Variants in BCL9L observed in about 807,000 individuals in gnomAD.
BCL9L encodes the protein B-cell CLL/lymphoma 9-like protein.
A neutral mutation model predicts 99.4 loss-of-function variants in BCL9L; 19 were observed. That is an observed-to-expected ratio of 0.19 (90% CI 0.13 to 0.28). The LOEUF is 0.28. BCL9L is among the 10% of genes least tolerant of loss of function. The pLI is 1.00. For missense variants in BCL9L, 2,023 were observed against 2,101.6 expected, an observed-to-expected ratio of 0.96 and a Z score of 0.73; for synonymous variants, 900 against 854.8, an observed-to-expected ratio of 1.05 and a Z score of -0.92.
At position 118,901,346 on chromosome 11, in the gene BCL9L, C is replaced by A; in HGVS notation, c.2397G>T (p.Lys799Asn). 6.2e-7 allele frequency: 1 copy of A among 1,613,844 alleles called. No homozygotes were observed. The highest frequency in any genetic ancestry group is 2.2e-5 in the East Asian group (1 of 44,878). The change falls in exon 8 of 10, where the codon AAG becomes AAT. Residue 799 changes from lysine to asparagine, a missense_variant. This residue lies in a region of BCL9L where 1,116 missense variants were observed against 1,194.6 expected (regional missense o/e 0.93). Transcript: ENST00000683865. The surrounding 1 kb of genome is among the most constrained non-coding windows in gnomAD (Gnocchi z 6.6). ...CCATCAAGTCCCCAGGGCCCCGCAT[C>A]TTCTGCGACATCAGCATCTGCTGCT... ...TPQQQMLMSQ[K>N]MRGPGDLMGP...
At chr11:118,920,345 G>C (rs1941102786) in intron 1 of BCL9L, among the ~76,000 whole-genome samples, 2 of 152,188 alleles carry the variant, frequency 1.3e-5, no homozygotes, top group African/African-American at 4.8e-5. Flanking sequence ...TGCAGTAGGA[G>C]GGAATGAGAT....
chr11:118,901,752 C>T lies in BCL9L; in HGVS notation c.1991G>A (p.Gly664Asp). The stretch of plus-strand genomic sequence containing the variant: ...GGGAGTCATGAATCGCTCCGCCTCA[C>T]CCTGCCCACCTGGGTAGGGCATGGT... ...QNTMPYPGGQ[G>D]EAERFMTPRV... Residue 664 changes from glycine (G) to aspartate (D), a missense_variant, in exon 8 of 10, where the codon GGT (glycine) becomes GAT (aspartate). Coordinates refer to ENST00000683865, the MANE Select transcript of BCL9L (RefSeq NM_001378213.1). The surrounding 1 kb of genome is among the most constrained non-coding windows in gnomAD (Gnocchi z 6.6). 2 of 1,612,862 alleles carry T rather than the reference C, an allele frequency of 1.2e-6. No individual in the cohort carries two copies. The highest frequency in any genetic ancestry group is 1.7e-6 in the Non-Finnish European group (2 of 1,179,140).
In BCL9L at chr11:118,922,381, C is replaced by T. The variant is rs535164927; in HGVS notation, c.-131+2857G>A. On this transcript the variant is annotated intron_variant, in intron 1 of 9. Transcript: ENST00000683865. This position sits in a 1 kb window ranked among gnomAD's most constrained non-coding sequence, Gnocchi z 6.2. ...AGCTCTGGGACTCAGATAGGCTCCT[C>T]AGCCCTGGCAGGAGCTCCCACCAGC... is the stretch of plus-strand genomic sequence containing the variant. Among the ~76,000 whole-genome samples the T allele has an allele frequency of 6.6e-6, 1 of 152,216 alleles. No individual in the cohort carries two copies. Among genetic ancestry groups the T allele is most frequent in the African/African-American group, 2.4e-5 (1 of 41,464 alleles).
In BCL9L at chr11:118,922,657, GC is replaced by G; in HGVS notation, c.-131+2580del. 1.3e-5 allele frequency among the ~76,000 whole-genome samples: 2 copies of G among 152,224 alleles called. 1 individual carries two copies. The highest frequency in any genetic ancestry group is 6.8e-3 in the Middle Eastern group (2 of 294). On this transcript the variant is annotated intron_variant, in intron 1 of 9. Coordinates refer to ENST00000683865, the MANE Select transcript of BCL9L (RefSeq NM_001378213.1). This position sits in a 1 kb window ranked among gnomAD's most constrained non-coding sequence, Gnocchi z 6.2. ...CTGTACCCGCTTGGCTCCCACGGCT[GC>G]CCACTTTCCCACGGTGCCATCCCCC...
chr11:118,908,419 G>A lies in BCL9L; in HGVS notation c.263C>T (p.Ser88Leu), dbSNP rs1251572931. Reference protein sequence around the residue: ...GNHGAKANQISPSNSSLKNPQ... With the variant: ...GNHGAKANQILPSNSSLKNPQ... ...GTTCTTCAGACTTGAGTTGCTAGGC[G>A]AGATCTGGTTGGCCTTGGCCCCATG... Residue 88 changes from serine to leucine, a missense_variant, in exon 4 of 10, where the codon TCG becomes TTG. Physicochemically the swap from Ser to Leu is moderately radical, Grantham distance 145. Around this residue, in one of 3 missense-constraint regions of BCL9L, gnomAD observed 1,116 missense variants for 1,194.6 expected, o/e 0.93. Coordinates refer to ENST00000683865, the MANE Select transcript of BCL9L (RefSeq NM_001378213.1). The A allele has an allele frequency of 7.4e-6, 12 of 1,614,042 alleles. No homozygotes were observed. Among genetic ancestry groups the A allele is most frequent in the African/African-American group, 1.3e-5 (1 of 75,046 alleles).
chr11:118,910,052 T>TGGGGAGGGGGTGTCAGAG, intron 2 of BCL9L, 37 bp from the exon 3 acceptor site: 1 of 1,397,642 alleles, frequency 7.2e-7, no homozygotes, highest in Admixed American at 2.0e-5. Context: ...ACTCGTGACT[T>TGGGGAGGGGGTGTCAGAG]GGGGAGGGGG....
Position 118,908,406 on chromosome 11 carries a change from T to C in BCL9L, c.276A>G (p.Ser92=). 1 of 1,613,850 alleles carries C rather than the reference T, an allele frequency of 6.2e-7. No individual in the cohort carries two copies. Among genetic ancestry groups the C allele is most frequent in the East Asian group, 2.2e-5 (1 of 44,862 alleles). ...CCCCTGCCTGGGGGTTCTTCAGACT[T>C]GAGTTGCTAGGCGAGATCTGGTTGG... The part of the protein sequence containing the change: ...AKANQISPSN[S]SLKNPQAGVP... The change falls in exon 4 of 10, where the codon TCA becomes TCG. Residue 92 remains serine (S), a synonymous_variant. Coordinates refer to ENST00000683865, the MANE Select transcript of BCL9L (RefSeq NM_001378213.1).
In BCL9L at chr11:118,902,747, C is replaced by G. The variant is rs1464029402; in HGVS notation, c.996G>C (p.Gln332His). The G allele has an allele frequency of 7.5e-6, 12 of 1,594,284 alleles. No individual in the cohort carries two copies. The highest frequency in any genetic ancestry group is 1.0e-5 in the Non-Finnish European group (12 of 1,177,606). Reference protein sequence around the residue: ...PPEGPPEDSSQDLAPNSVGAA... With the variant: ...PPEGPPEDSSHDLAPNSVGAA... ...CTCCCACCGAGTTGGGGGCCAGGTCCTGACTGCTGTCCTCAGGAGGCCCCT... is the reference window on the plus strand; with the variant it reads ...CTCCCACCGAGTTGGGGGCCAGGTCGTGACTGCTGTCCTCAGGAGGCCCCT... The change falls in exon 8 of 10, where the codon CAG becomes CAC. Residue 332 changes from glutamine (Q) to histidine (H), a missense_variant. Gln to His is a conservative substitution (Grantham distance 24). Around this residue, in one of 3 missense-constraint regions of BCL9L, gnomAD observed 1,116 missense variants for 1,194.6 expected, o/e 0.93. Coordinates refer to ENST00000683865, the MANE Select transcript of BCL9L (RefSeq NM_001378213.1). This position sits in a 1 kb window ranked among gnomAD's most constrained non-coding sequence, Gnocchi z 7.8.
intron 2 of BCL9L, among the ~76,000 whole-genome samples, chr11:118,917,070 G>T (rs1940986824): frequency 6.6e-6 from 1 of 152,174 alleles, no homozygotes; most frequent in African/African-American, 2.4e-5. Context: ...CCTTCTCCAG[G>T]CCCCTGGCTA....
chr11:118,901,866 A>G lies in BCL9L; in HGVS notation c.1877T>C (p.Met626Thr). Residue 626 changes from methionine to threonine, a missense_variant, in exon 8 of 10, where the codon ATG (methionine) becomes ACG (threonine). Transcript: ENST00000683865. The surrounding 1 kb of genome is among the most constrained non-coding windows in gnomAD (Gnocchi z 6.6). ...GMQSMPMEVP[M>T]NAMQRPVRPG... The stretch of plus-strand genomic sequence containing the variant: ...TCTCACGGGCCTCTGCATGGCATTC[A>G]TGGGCACCTCCATGGGCATACTCTG... 1 of 1,611,158 alleles carries G rather than the reference A, an allele frequency of 6.2e-7. No homozygotes were observed. Among genetic ancestry groups the G allele is most frequent in the Non-Finnish European group, 8.5e-7 (1 of 1,177,684 alleles).
Position 118,901,325 on chromosome 11 carries a change from C to T in BCL9L, c.2418G>A (p.Leu806=), listed in dbSNP as rs1940223361. Residue 806 remains leucine (L), a synonymous_variant, in exon 8 of 10, where the codon TTG becomes TTA. Coordinates refer to ENST00000683865, the MANE Select transcript of BCL9L (RefSeq NM_001378213.1). This position sits in a 1 kb window ranked among gnomAD's most constrained non-coding sequence, Gnocchi z 6.6. ...CAGGACTGAGGCCCTGGGGCCCCATCAAGTCCCCAGGGCCCCGCATCTTCT... is the reference window on the plus strand; with the variant it reads ...CAGGACTGAGGCCCTGGGGCCCCATTAAGTCCCCAGGGCCCCGCATCTTCT... ...MSQKMRGPGD[L]MGPQGLSPEE... 6.2e-7 allele frequency: 1 copy of T among 1,613,526 alleles called. No homozygotes were observed. Among genetic ancestry groups the T allele is most frequent in the South Asian group, 1.1e-5 (1 of 91,090 alleles).
chr11:118,907,636 C>T, intron 4 of BCL9L, 34 bp from the exon 5 acceptor site: 2 of 1,605,074 alleles, frequency 1.2e-6, no homozygotes, highest in Non-Finnish European at 1.7e-6. Context: ...GAGTGAGTGC[C>T]TAGAGGCCCC....
At chr11:118,919,091 C>T (rs866074874) in intron 1 of BCL9L, among the ~76,000 whole-genome samples, 1 of 41,724 alleles carries the variant, frequency 2.4e-5, no homozygotes, top group Non-Finnish European at 4.9e-5. Context: ...AGCCTGACCC[C>T]AGCTGCACCG....
chr11:118,900,999 G>A lies in BCL9L; in HGVS notation c.2744C>T (p.Ser915Leu), dbSNP rs746679037. 2.9e-5 allele frequency: 45 copies of A among 1,554,710 alleles called. No individual in the cohort carries two copies. Among genetic ancestry groups the A allele is most frequent in the Admixed American group, 3.7e-5 (2 of 53,340 alleles). Residue 915 changes from serine (S) to leucine (L), a missense_variant, in exon 8 of 10, where the codon TCG (serine) becomes TTG (leucine). By Grantham distance (145) the Ser-to-Leu change is moderately radical (BLOSUM62 -2). This residue lies in a region of BCL9L where 902 missense variants were observed against 888.2 expected (regional missense o/e 1.02). Transcript: ENST00000683865. This position sits in a 1 kb window ranked among gnomAD's most constrained non-coding sequence, Gnocchi z 5.3. ...APNRGLGRRP[S>L]DLTISINQMG... ...CTGATTAATACTGATGGTGAGGTCC[G>A]AAGGCCGCCTGCCTAGCCCCCGGTT...
intron 2 of BCL9L, among the ~76,000 whole-genome samples, chr11:118,913,739 A>T (rs1407241616): frequency 8.7e-6 from 1 of 114,580 alleles, no homozygotes; most frequent in African/African-American, 3.4e-5. Flanking sequence ...TTGGTACCCC[A>T]ACAGAGGCAA....
rs1420731429 is a variant in BCL9L at position 118,897,578 on chromosome 11, T to C, written c.*837A>G. 5.6e-6 allele frequency: 2 copies of C among 354,300 alleles called. No individual in the cohort carries two copies. Among genetic ancestry groups the C allele is most frequent in the East Asian group, 1.5e-4 (2 of 13,140 alleles). The allele number at this position is 354,300 out of a possible 1,614,324, so 21.9% of individuals were successfully genotyped here. A position where few individuals can be genotyped will look rare whatever the true frequency, so the allele number is the denominator to read the frequency against. On this transcript the variant is annotated 3_prime_UTR_variant, in exon 10 of 10. Coordinates refer to ENST00000683865, the MANE Select transcript of BCL9L (RefSeq NM_001378213.1). ...AGGTGGAAGCCTAGGTGGTCTGACCTCAGTTTAGGAGTGGGTCATTTACGT... is the reference window on the plus strand; with the variant it reads ...AGGTGGAAGCCTAGGTGGTCTGACCCCAGTTTAGGAGTGGGTCATTTACGT...
In BCL9L at chr11:118,897,474, G is replaced by A. The variant is rs777286144; in HGVS notation, c.*941C>T. Reference sequence around the variant, plus strand: ...CCGGTGTGGGCAAACACACATGCACGTGCACACATGTTCTCCCTGAATCAC... The same window carrying A: ...CCGGTGTGGGCAAACACACATGCACATGCACACATGTTCTCCCTGAATCAC... On this transcript the variant is annotated 3_prime_UTR_variant, in exon 10 of 10. Coordinates refer to ENST00000683865, the MANE Select transcript of BCL9L (RefSeq NM_001378213.1). 3.3e-5 allele frequency: 10 copies of A among 303,038 alleles called. No individual in the cohort carries two copies. Among genetic ancestry groups the A allele is most frequent in the East Asian group, 1.1e-4 (1 of 9,160 alleles). The allele number at this position is 303,038 out of a possible 1,614,324, so 18.8% of individuals were successfully genotyped here.
At position 118,898,445 on chromosome 11, in the gene BCL9L, T is replaced by C. The variant is rs1381058617; in HGVS notation, c.4470A>G (p.Ala1490=). Residue 1490 remains alanine (A), a synonymous_variant, in exon 10 of 10, where the codon GCA becomes GCG. Transcript: ENST00000683865. ...SLDSQMGYLP[A]PGGMANLPF ...AGGGCAGGTTGGCCATGCCGCCTGG[T>C]GCCGGGAGGTAGCCCATCTGGCTGT... 4 of 1,606,468 alleles carry C rather than the reference T, an allele frequency of 2.5e-6. No individual in the cohort carries two copies. In the African/African-American group the frequency reaches 4.0e-5, roughly 16 times the overall value.
At position 118,899,399 on chromosome 11, in the gene BCL9L, G is replaced by A. The variant is rs374703839; in HGVS notation, c.3516C>T (p.Pro1172=). 2.8e-4 allele frequency: 443 copies of A among 1,587,502 alleles called. No homozygotes were observed. The highest frequency in any genetic ancestry group is 1.5e-3 in the Admixed American group (81 of 55,734). Residue 1172 remains proline (P), a synonymous_variant, in exon 10 of 10, where the codon CCC becomes CCT. Transcript: ENST00000683865. ...GAGGGGTGGGGGAGGGCAGCATGGC[G>A]GGCGGGGGCTCATGGGACAGGGGCT... ...GQQPLSHEPP[P]AMLPSPTPLG...
Sources: allele counts gnomAD v4.1 joint callset (sites outside exome capture counted in the v4.1 genomes callset), GRCh38; gene constraint gnomAD v4.1.1; regional missense constraint gnomAD v4.1.1; non-coding constraint Gnocchi (gnomAD v3.1); transcripts MANE v1.5; gene names NCBI Gene and HGNC (gene_info 2026-07-23, HGNC 2026-07-21).